The following GABRG3 variants were observed in gnomAD, a reference collection of about 807,000 sequenced individuals.
The protein encoded by GABRG3 is gamma-aminobutyric acid type A receptor subunit gamma3.
GABRG3 carries 25 observed loss-of-function variants against 48.8 expected under a neutral mutation model. That is an observed-to-expected ratio of 0.51 (90% CI 0.37 to 0.72). The LOEUF is 0.72. GABRG3 is among the 30% of genes least tolerant of loss of function. GABRG3 has a pLI of 0.00. For synonymous variants in GABRG3, 227 were observed against 217.6 expected (o/e 1.04, Z -0.38); for missense variants, 394 against 577.9 (o/e 0.68, Z 3.26).
intron 3 of GABRG3, among the ~76,000 whole-genome samples, chr15:27,059,035 A>G (rs903952686): frequency 6.6e-6 from 1 of 152,196 alleles, no homozygotes; most frequent in South Asian, 2.1e-4. Context: ...AGCAGGCTCA[A>G]ACTAATTCAC....
chr15:27,382,826 G>A (rs558629833), intron 5 of GABRG3, among the ~76,000 whole-genome samples: 4 of 152,238 alleles, frequency 2.6e-5, no homozygotes, highest in East Asian at 1.9e-4. Context: ...GAGGACCACC[G>A]TGGGAGGAGT....
rs565836054 is a variant in GABRG3, at chr15:27,019,683, A to G, written c.203-7071A>G. ...CTCTGCCTAATACATCATTGTGTTCAGTGGGACTCTTAGTTTAGGGAAAGG... is the reference window on the plus strand; with the variant it reads ...CTCTGCCTAATACATCATTGTGTTCGGTGGGACTCTTAGTTTAGGGAAAGG... On this transcript the variant is annotated intron_variant, in intron 2 of 9. Transcript: ENST00000615808. 2.6e-5 allele frequency among the ~76,000 whole-genome samples: 4 copies of G among 152,274 alleles called. No individual in the cohort carries two copies. In the East Asian group the frequency reaches 7.7e-4, roughly 29 times the overall value.
chr15:27,271,886 T>A (rs1363279825), intron 3 of GABRG3, among the ~76,000 whole-genome samples: 1 of 152,204 alleles, frequency 6.6e-6, no homozygotes, highest in Non-Finnish European at 1.5e-5. Context: ...GGTGGCTTAA[T>A]TGCATAAGTA....
chr15:27,407,072 C>A (rs567370406), intron 5 of GABRG3, among the ~76,000 whole-genome samples: 2 of 152,118 alleles, frequency 1.3e-5, no homozygotes, highest in African/African-American at 4.8e-5. Context: ...CGATTAGGGG[C>A]ACGTGCGACC....
chr15:27,249,769 T>C (rs1342246640), intron 3 of GABRG3, among the ~76,000 whole-genome samples: 2 of 152,194 alleles, frequency 1.3e-5, no homozygotes, highest in Non-Finnish European at 2.9e-5. Context: ...CTGCAAAACC[T>C]TTTACCAGAC....
At chr15:27,160,574 A>AT (rs934008028) in intron 3 of GABRG3, among the ~76,000 whole-genome samples, 25 of 150,728 alleles carry the variant, frequency 1.7e-4, no homozygotes, top group Middle Eastern at 7.0e-3. Flanking sequence ...CCAACTACTG[A>AT]TTTTTTTTTA....
At chr15:27,038,478 G>GGTGT (rs1292220457) in intron 3 of GABRG3, among the ~76,000 whole-genome samples, 2 of 151,932 alleles carry the variant, frequency 1.3e-5, no homozygotes, top group African/African-American at 2.4e-5. Context: ...TCCCGTGGTA[G>GGTGT]GTGTGCCCAC....
chr15:27,216,931 C>A (rs1215815302), intron 3 of GABRG3, among the ~76,000 whole-genome samples: 3 of 142,110 alleles, frequency 2.1e-5, no homozygotes, highest in African/African-American at 7.9e-5. Flanking sequence ...TGCCCCCTCC[C>A]CCGACCCCAC....
intron 9 of GABRG3, among the ~76,000 whole-genome samples, chr15:27,529,461 G>T (rs1448662914): frequency 6.6e-6 from 1 of 151,944 alleles, no homozygotes; most frequent in Non-Finnish European, 1.5e-5. Context: ...CCCCCCATAA[G>T]CCGCAGGTGG....
chr15:27,491,668 A>G (rs1342064902), intron 6 of GABRG3, among the ~76,000 whole-genome samples: 2 of 152,214 alleles, frequency 1.3e-5, no homozygotes, highest in East Asian at 3.9e-4. Flanking sequence ...TATGAGGACA[A>G]TAAAATGTAA....
chr15:27,360,482 G>A (rs1002189830), intron 5 of GABRG3, among the ~76,000 whole-genome samples: 1 of 152,200 alleles, frequency 6.6e-6, no homozygotes, highest in African/African-American at 2.4e-5. Context: ...GCTTTAATGA[G>A]ACTGCAGGAG....
intron 3 of GABRG3, among the ~76,000 whole-genome samples, chr15:27,275,125 AATAAAATGTAAGGATTTTACCCATGATG>A (rs1891211752): frequency 1.3e-5 from 2 of 152,202 alleles, no homozygotes; most frequent in African/African-American, 4.8e-5. Context: ...TTTAAGCAAC[AATAAAATGTAAGGATTTTACCCATGATG>A]AGGGGCATTA....
intron 5 of GABRG3, among the ~76,000 whole-genome samples, chr15:27,455,502 TGTGC>T (rs1160893037): frequency 6.6e-6 from 1 of 152,112 alleles, no homozygotes; most frequent in Non-Finnish European, 1.5e-5. Context: ...GCTGTGTGTG[TGTGC>T]ATTTGTGTAT....
intron 6 of GABRG3, among the ~76,000 whole-genome samples, chr15:27,494,057 GA>G (rs1890422864): frequency 2.0e-5 from 3 of 152,090 alleles, no homozygotes; most frequent in Admixed American, 2.0e-4. Flanking sequence ...GTGATCATAT[GA>G]TTTTTTTCTT....
intron 5 of GABRG3, among the ~76,000 whole-genome samples, chr15:27,341,887 T>A (rs1311533918): frequency 6.6e-6 from 1 of 152,190 alleles, no homozygotes; most frequent in Admixed American, 6.5e-5. Context: ...CTCTGACAAC[T>A]GTGTTGGCTG....
intron 3 of GABRG3, among the ~76,000 whole-genome samples, chr15:27,266,065 A>G (rs1487441160): frequency 6.6e-6 from 1 of 151,818 alleles, no homozygotes; most frequent in African/African-American, 2.4e-5. Flanking sequence ...TTTTTAGAAG[A>G]GATGAGTTTT....
chr15:27,498,566 G>C (rs1308436371), intron 6 of GABRG3, among the ~76,000 whole-genome samples: 2 of 151,832 alleles, frequency 1.3e-5, no homozygotes, highest in Non-Finnish European at 2.9e-5. Flanking sequence ...CGTGATGTCG[G>C]CTCACTGCAA....
chr15:27,390,859 C>A (rs939097188), intron 5 of GABRG3, among the ~76,000 whole-genome samples: 2 of 152,030 alleles, frequency 1.3e-5, no homozygotes, highest in Non-Finnish European at 2.9e-5. Flanking sequence ...GAGGACGTGG[C>A]GGGTGGATCA....
intron 3 of GABRG3, among the ~76,000 whole-genome samples, chr15:27,310,129 C>T (rs561277811): frequency 6.6e-6 from 1 of 152,026 alleles, no homozygotes; most frequent in Admixed American, 6.6e-5. Context: ...CAGTCACACA[C>T]AGAAAAGTAG....
Sources: gnomAD v4.1 joint callset for allele counts (sites outside exome capture counted in the v4.1 genomes callset) on GRCh38, gnomAD v4.1.1 for gene constraint, MANE v1.5 for transcripts, NCBI Gene and HGNC (gene_info 2026-07-23, HGNC 2026-07-21) for gene names.